The following DNAJB6 variants were observed in gnomAD, a reference collection of about 807,000 sequenced individuals.
DNAJB6 encodes DnaJ heat shock protein family (Hsp40) member B6, also known as dnaJ homolog subfamily B member 6.
In DNAJB6, 16 loss-of-function variants were observed where a neutral mutation model predicts 42.7. The ratio of observed to expected loss-of-function variants is 0.37; its 90% CI spans 0.25 to 0.57. The LOEUF (loss-of-function observed/expected upper bound fraction) is 0.57, where lower values mean the gene tolerates loss of function less well. Ranked by LOEUF, DNAJB6 falls within the 20% of genes least tolerant of loss-of-function variation. The pLI, the probability that DNAJB6 is intolerant of heterozygous loss-of-function variation, is 0.74. For synonymous variants in DNAJB6, 170 were observed against 163.5 expected (o/e 1.04, Z -0.30); for missense variants, 347 against 416.8 (o/e 0.83, Z 1.46).
At chr7:157,370,705 G>A (rs767067589) in intron 5 of DNAJB6, 5 of 152,616 alleles carry the variant, frequency 3.3e-5, no homozygotes, top group African/African-American at 4.8e-5. Context: ...TTAAGACCAG[G>A]TACCCTGTGT....
At chr7:157,364,417 G>T (rs1173765413) in intron 3 of DNAJB6, among the ~76,000 whole-genome samples, 2 of 152,170 alleles carry the variant, frequency 1.3e-5, no homozygotes, top group Non-Finnish European at 2.9e-5. Context: ...GGCATTTAAG[G>T]TCTTGAACTG....
intron 1 of DNAJB6, among the ~76,000 whole-genome samples, chr7:157,347,552 T>G (rs1563110353): frequency 6.6e-6 from 1 of 152,146 alleles, no homozygotes; most frequent in Non-Finnish European, 1.5e-5. Context: ...TTTACTTAAT[T>G]CCTTTGAGCC....
At chr7:157,365,429 A>G (rs1353250192) in intron 3 of DNAJB6, among the ~76,000 whole-genome samples, 1 of 152,204 alleles carries the variant, frequency 6.6e-6, no homozygotes, top group Admixed American at 6.5e-5. Context: ...TCGAGGGTGA[A>G]TGAGCCTGTA....
intron 6 of DNAJB6, among the ~76,000 whole-genome samples, chr7:157,384,110 A>G (rs1387495412): frequency 6.6e-6 from 1 of 152,194 alleles, no homozygotes; most frequent in Admixed American, 6.5e-5. Context: ...ACAGGACAAA[A>G]GCTCTAACCA....
At chr7:157,359,044 T>C (rs1393626823) in intron 2 of DNAJB6, among the ~76,000 whole-genome samples, 4 of 152,186 alleles carry the variant, frequency 2.6e-5, no homozygotes, top group Non-Finnish European at 4.4e-5. Context: ...CTGATTCATA[T>C]GAAAGTTCGA....
chr7:157,402,757 T>C (rs2117178286), intron 8 of DNAJB6, among the ~76,000 whole-genome samples: 1 of 152,316 alleles, frequency 6.6e-6, no homozygotes, highest in African/African-American at 2.4e-5. Context: ...GGTTTCTTAT[T>C]TAAAGTAAGC....
intron 1 of DNAJB6, among the ~76,000 whole-genome samples, chr7:157,345,658 T>G (rs367778145): frequency 6.6e-6 from 1 of 152,178 alleles, no homozygotes. Flanking sequence ...CTTTTGTTCC[T>G]TGTGCTTTTG....
chr7:157,389,718 AAG>A (rs1413178109), intron 8 of DNAJB6, among the ~76,000 whole-genome samples: 3 of 152,152 alleles, frequency 2.0e-5, no homozygotes, highest in Non-Finnish European at 4.4e-5. Flanking sequence ...AAAAGGTGAA[AAG>A]AGGGAATGTC....
intron 1 of DNAJB6, among the ~76,000 whole-genome samples, chr7:157,348,833 A>G (rs1173863547): frequency 6.6e-6 from 1 of 151,784 alleles, no homozygotes; most frequent in Non-Finnish European, 1.5e-5. Flanking sequence ...CACCCTACTA[A>G]CTTGCTGCGT....
At chr7:157,374,674 C>T (rs1800383983) in intron 5 of DNAJB6, among the ~76,000 whole-genome samples, 1 of 152,122 alleles carries the variant, frequency 6.6e-6, no homozygotes, top group Non-Finnish European at 1.5e-5. Flanking sequence ...CCTTTGTTTC[C>T]TCTGACGTCC....
At chr7:157,377,217 A>G (rs1800518477) in intron 5 of DNAJB6, among the ~76,000 whole-genome samples, 1 of 150,144 alleles carries the variant, frequency 6.7e-6, no homozygotes, top group Non-Finnish European at 1.5e-5. Context: ...TGTTAATAAG[A>G]CTGTTCACAG....
At chr7:157,345,148 C>T (rs898781594) in intron 1 of DNAJB6, among the ~76,000 whole-genome samples, 8 of 151,820 alleles carry the variant, frequency 5.3e-5, no homozygotes, top group Non-Finnish European at 1.2e-4. Context: ...CGCCCGCCAC[C>T]ACACCTGGCT....
intron 6 of DNAJB6, among the ~76,000 whole-genome samples, chr7:157,383,611 T>TGTGTGTGTGTG (rs1800898403): frequency 2.0e-5 from 3 of 149,570 alleles, no homozygotes; most frequent in African/African-American, 7.4e-5. Flanking sequence ...GTATGTGTGT[T>TGTGTGTGTGTG]TGTGTGTGTG....
At chr7:157,396,121 G>A (rs1801573782) in intron 8 of DNAJB6, among the ~76,000 whole-genome samples, 1 of 151,256 alleles carries the variant, frequency 6.6e-6, no homozygotes. Flanking sequence ...CTAATATTTT[G>A]CATTTTTAGG....
intron 8 of DNAJB6, among the ~76,000 whole-genome samples, chr7:157,408,847 C>A (rs1795864636): frequency 6.6e-6 from 1 of 152,266 alleles, no homozygotes; most frequent in African/African-American, 2.4e-5. Context: ...CTGGCGTAAA[C>A]TCTCTGCTGT....
At chr7:157,351,596 G>A (rs1798975756) in intron 1 of DNAJB6, among the ~76,000 whole-genome samples, 1 of 151,380 alleles carries the variant, frequency 6.6e-6, no homozygotes, top group Admixed American at 6.6e-5. Context: ...TTGTGCCACT[G>A]CACTCCAGCC....
At chr7:157,371,737 C>G (rs561152792) in intron 5 of DNAJB6, among the ~76,000 whole-genome samples, 1 of 152,238 alleles carries the variant, frequency 6.6e-6, no homozygotes, top group Non-Finnish European at 1.5e-5. Context: ...AGGATGCTCT[C>G]TTTATTTTAT....
intron 5 of DNAJB6, chr7:157,378,103 A>C (rs1584919583): frequency 2.6e-5 from 4 of 152,230 alleles, no homozygotes; most frequent in African/African-American, 9.6e-5. Flanking sequence ...TATTGGTCAC[A>C]AAATAAGGAG....
chr7:157,344,628 T>C (rs1157666869), intron 1 of DNAJB6, among the ~76,000 whole-genome samples: 1 of 152,218 alleles, frequency 6.6e-6, no homozygotes, highest in African/African-American at 2.4e-5. Context: ...AAATTTATTA[T>C]TTTTGTGACA....
Sources: allele counts gnomAD v4.1 joint callset (sites outside exome capture counted in the v4.1 genomes callset), GRCh38; gene constraint gnomAD v4.1.1; transcripts MANE v1.5; gene names NCBI Gene and HGNC (gene_info 2026-07-23, HGNC 2026-07-21).